Variants in TTLL5 observed in about 807,000 individuals in gnomAD.
The protein encoded by TTLL5 is tubulin polyglutamylase TTLL5.
Under a neutral mutation model 168.4 loss-of-function variants are expected in TTLL5, and 132 were observed. That is an observed-to-expected ratio of 0.78 (90% CI 0.68 to 0.91). TTLL5 has a LOEUF of 0.91. Ranked by LOEUF, TTLL5 falls within the 40% of genes least tolerant of loss-of-function variation. The pLI is 0.00. For synonymous variants in TTLL5, 546 were observed against 558.6 expected, an observed-to-expected ratio of 0.98 and a Z score of 0.32; for missense variants, 1,545 against 1,581.5, an observed-to-expected ratio of 0.98 and a Z score of 0.39.
chr14:75,902,719 T>C, intron 31 of TTLL5: 1 of 425,732 alleles, frequency 2.3e-6, no homozygotes, highest in Non-Finnish European at 4.7e-6. Flanking sequence ...AGGTTGTTAC[T>C]GACAGCCTGA....
chr14:75,671,841 T>C (rs1211412925), intron 3 of TTLL5, among the ~76,000 whole-genome samples: 4 of 152,216 alleles, frequency 2.6e-5, no homozygotes, highest in African/African-American at 9.6e-5. Flanking sequence ...TTTTAGTTCT[T>C]TCTCTCCAAC....
chr14:75,738,345 T>G (rs1178097341), intron 15 of TTLL5, among the ~76,000 whole-genome samples: 3 of 152,186 alleles, frequency 2.0e-5, no homozygotes, highest in African/African-American at 7.2e-5. Context: ...CAACTGTTGT[T>G]TAGCAAAAAG....
At chr14:75,662,208 A>G (rs1403881991) in intron 1 of TTLL5, among the ~76,000 whole-genome samples, 1 of 151,946 alleles carries the variant, frequency 6.6e-6, no homozygotes, top group African/African-American at 2.4e-5. Flanking sequence ...TGGACCTTTG[A>G]TTCAAGAGAA....
intron 28 of TTLL5, among the ~76,000 whole-genome samples, chr14:75,844,514 G>A (rs1160001013): frequency 6.6e-6 from 1 of 152,150 alleles, no homozygotes; most frequent in Non-Finnish European, 1.5e-5. Flanking sequence ...CAAGACTTAG[G>A]TTCAAAAGCA....
chr14:75,688,912 T>C (rs1399201728), intron 5 of TTLL5, among the ~76,000 whole-genome samples: 2 of 152,184 alleles, frequency 1.3e-5, no homozygotes, highest in East Asian at 3.8e-4. Context: ...GTTTAACATA[T>C]GTGGTGATTG....
intron 21 of TTLL5, among the ~76,000 whole-genome samples, chr14:75,774,019 C>G (rs1158461060): frequency 1.4e-5 from 2 of 139,958 alleles, no homozygotes; most frequent in Non-Finnish European, 3.0e-5. Context: ...AAGCCTTACC[C>G]CATTCCCTGA....
chr14:75,814,229 G>T (rs1052784313), intron 27 of TTLL5, among the ~76,000 whole-genome samples: 1 of 152,220 alleles, frequency 6.6e-6, no homozygotes, highest in South Asian at 2.1e-4. Context: ...CAAAAATGGT[G>T]AGCCAGTGAT....
At chr14:75,771,524 A>G (rs1219831785) in intron 20 of TTLL5, among the ~76,000 whole-genome samples, 1 of 152,130 alleles carries the variant, frequency 6.6e-6, no homozygotes, top group East Asian at 1.9e-4. Flanking sequence ...AGGATTCTCC[A>G]TCTCTGATTC....
chr14:75,790,933 A>T, intron 26 of TTLL5, among the ~76,000 whole-genome samples: 1 of 117,542 alleles, frequency 8.5e-6, no homozygotes, highest in South Asian at 2.7e-4. Flanking sequence ...CATCTCTACT[A>T]AAAAAAAAAA....
At chr14:75,779,016 A>G (rs1230802675) in intron 23 of TTLL5, among the ~76,000 whole-genome samples, 3 of 152,220 alleles carry the variant, frequency 2.0e-5, no homozygotes, top group Admixed American at 1.3e-4. Context: ...AGCTGAACAA[A>G]CTGTAAAGGT....
chr14:75,787,643 T>A (rs1018396721), intron 26 of TTLL5, among the ~76,000 whole-genome samples: 1 of 152,196 alleles, frequency 6.6e-6, no homozygotes, highest in Non-Finnish European at 1.5e-5. Flanking sequence ...TTGAACAAGA[T>A]GATAAGATTA....
intron 28 of TTLL5, among the ~76,000 whole-genome samples, chr14:75,863,410 A>C (rs1191483914): frequency 6.6e-6 from 1 of 152,192 alleles, no homozygotes; most frequent in Non-Finnish European, 1.5e-5. Flanking sequence ...CATCCAGCTA[A>C]TATTTATTGT....
chr14:75,744,231 T>C (rs1411165814), intron 15 of TTLL5: 1 of 152,246 alleles, frequency 6.6e-6, no homozygotes, highest in Non-Finnish European at 1.5e-5. Context: ...TTACTTTTTG[T>C]ACTTGGCAGA....
Position 75,720,654 on chromosome 14 carries a change from T to C in TTLL5, c.993T>C (p.Ala331=), listed in dbSNP as rs2140204943. The C allele has an allele frequency of 2.5e-6, 4 of 1,613,792 alleles. No individual in the cohort carries two copies. Among genetic ancestry groups the C allele is most frequent in the Non-Finnish European group, 3.4e-6 (4 of 1,179,708 alleles). Residue 331 remains alanine (A), a synonymous_variant, in exon 12 of 32, where the codon GCT becomes GCC. Coordinates refer to ENST00000298832, the MANE Select transcript of TTLL5 (RefSeq NM_015072.5). ...IIKTIISAEL[A]IATACKTFVP... ...AGACTATAATCTCTGCTGAACTAGC[T>C]ATTGCTACTGCCTGTAAAACCTTTG...
intron 3 of TTLL5, among the ~76,000 whole-genome samples, chr14:75,674,931 A>G (rs1279932080): frequency 6.6e-6 from 1 of 152,074 alleles, no homozygotes; most frequent in Non-Finnish European, 1.5e-5. Flanking sequence ...AAAACCATTA[A>G]TATTTTATAT....
chr14:75,818,442 TTTAC>T (rs1316724124), intron 27 of TTLL5: 2 of 392,666 alleles, frequency 5.1e-6, no homozygotes, highest in South Asian at 3.7e-5. Context: ...CACGATTTTT[TTTAC>T]TTGAGATATT....
chr14:75,766,874 G>A (rs1473921564), intron 20 of TTLL5, among the ~76,000 whole-genome samples: 5 of 152,046 alleles, frequency 3.3e-5, no homozygotes, highest in African/African-American at 7.2e-5. Flanking sequence ...CAATAAAGAC[G>A]TAGAGGTGGC....
chr14:75,924,814 G>A (rs948543012), intron 31 of TTLL5, among the ~76,000 whole-genome samples: 1 of 152,034 alleles, frequency 6.6e-6, no homozygotes, highest in African/African-American at 2.4e-5. Context: ...CTCCCAGACC[G>A]GGTGGTGGCC....
intron 31 of TTLL5, among the ~76,000 whole-genome samples, chr14:75,947,319 A>T (rs1327338575): frequency 1.3e-5 from 2 of 152,230 alleles, no homozygotes; most frequent in Non-Finnish European, 2.9e-5. Flanking sequence ...TATTGGGGAA[A>T]TACCAACCAA....
Sources: gnomAD v4.1 joint callset for allele counts (sites outside exome capture counted in the v4.1 genomes callset) on GRCh38, gnomAD v4.1.1 for gene constraint, MANE v1.5 for transcripts, NCBI Gene and HGNC (gene_info 2026-07-23, HGNC 2026-07-21) for gene names.